FERMT2: variants seen among roughly 807,000 people sequenced by gnomAD.
The protein encoded by FERMT2 is FERM domain containing kindlin 2.
Under a neutral mutation model 82.7 loss-of-function variants are expected in FERMT2, and 15 were observed. The observed-to-expected ratio is 0.18, with a 90% confidence interval of 0.12 to 0.28. The LOEUF is 0.28. Ranked by LOEUF, FERMT2 falls within the 10% of genes least tolerant of loss-of-function variation. The probability of loss-of-function intolerance (pLI) is 1.00; values close to 1 mark genes in which losing one functional copy is unlikely to be tolerated. For missense variants in FERMT2, 645 were observed against 809.4 expected (o/e 0.80, Z 2.46); for synonymous variants, 274 against 271.5 (o/e 1.01, Z -0.09).
chr14:52,930,847 C>T (rs1889533718), intron 2 of FERMT2, among the ~76,000 whole-genome samples: 1 of 152,092 alleles, frequency 6.6e-6, no homozygotes, highest in African/African-American at 2.4e-5. Context: ...TTTGTAAAAA[C>T]GATGTTTATA....
intron 3 of FERMT2, among the ~76,000 whole-genome samples, chr14:52,913,631 T>C (rs1888449330): frequency 6.7e-6 from 1 of 150,320 alleles, no homozygotes; most frequent in Admixed American, 6.6e-5. Flanking sequence ...TCATAAGATA[T>C]GACATTTCCA....
intron 7 of FERMT2, among the ~76,000 whole-genome samples, chr14:52,875,949 G>A (rs1216854941): frequency 2.0e-5 from 3 of 152,188 alleles, no homozygotes; most frequent in Non-Finnish European, 1.5e-5. Context: ...GGGGCAGAGA[G>A]AGAGTAGTGA....
intron 12 of FERMT2, chr14:52,861,713 A>G (rs1273943403): frequency 6.6e-6 from 1 of 152,668 alleles, no homozygotes; most frequent in Non-Finnish European, 1.5e-5. Context: ...ATATAGAATA[A>G]TTCTTCAAAA....
intron 3 of FERMT2, among the ~76,000 whole-genome samples, chr14:52,911,688 G>C (rs1594982573): frequency 6.6e-6 from 1 of 151,084 alleles, no homozygotes; most frequent in East Asian, 1.9e-4. Flanking sequence ...GCAGGCCAGA[G>C]TTTGCCAACA....
intron 2 of FERMT2, among the ~76,000 whole-genome samples, chr14:52,934,286 C>T (rs891469861): frequency 6.6e-6 from 1 of 152,052 alleles, no homozygotes; most frequent in African/African-American, 2.4e-5. Flanking sequence ...TATAAATGTA[C>T]ATATGGAAAT....
chr14:52,902,418 A>G (rs1165828700), intron 3 of FERMT2, among the ~76,000 whole-genome samples: 1 of 151,218 alleles, frequency 6.6e-6, no homozygotes, highest in Non-Finnish European at 1.5e-5. Flanking sequence ...AAAAAAAGAG[A>G]GAGAGAGATT....
intron 3 of FERMT2, among the ~76,000 whole-genome samples, chr14:52,894,162 C>A (rs1402756094): frequency 6.6e-6 from 1 of 152,062 alleles, no homozygotes; most frequent in Non-Finnish European, 1.5e-5. Context: ...AAATATTCTG[C>A]CCTGTATCAA....
chr14:52,875,336 T>C lies in FERMT2; in HGVS notation c.985A>G (p.Ile329Val), dbSNP rs778426570. Residue 329 changes from isoleucine to valine, a missense_variant, in exon 8 of 15, where the codon ATC (isoleucine) becomes GTC (valine). Ile to Val is a conservative substitution (Grantham distance 29, BLOSUM62 3). Coordinates refer to ENST00000341590, the MANE Select transcript of FERMT2 (RefSeq NM_006832.3). Reference sequence around the variant, plus strand: ...TTCAAATGATTCTCTGATGTCATGATTGACAGCTTATTGATATGATACTGA... The same window carrying C: ...TTCAAATGATTCTCTGATGTCATGACTGACAGCTTATTGATATGATACTGA... ...ALQYHINKLS[I>V]MTSENHLNNS... 19 of 1,605,446 alleles carry C rather than the reference T, an allele frequency of 1.2e-5. No individual in the cohort carries two copies. Among genetic ancestry groups the C allele is most frequent in the Middle Eastern group, 1.7e-4 (1 of 6,042 alleles).
chr14:52,908,901 T>TA (rs1888160084), intron 3 of FERMT2, among the ~76,000 whole-genome samples: 1 of 152,190 alleles, frequency 6.6e-6, no homozygotes, highest in Non-Finnish European at 1.5e-5. Flanking sequence ...ACTGACTAGA[T>TA]ACTTAAAAAG....
chr14:52,930,009 C>T (rs1889489800), intron 2 of FERMT2, among the ~76,000 whole-genome samples: 1 of 152,064 alleles, frequency 6.6e-6, no homozygotes, highest in Non-Finnish European at 1.5e-5. Context: ...TTACTCAAAA[C>T]AATCTCAACA....
chr14:52,903,207 G>C (rs1887781122), intron 3 of FERMT2, among the ~76,000 whole-genome samples: 1 of 151,910 alleles, frequency 6.6e-6, no homozygotes, highest in Non-Finnish European at 1.5e-5. Context: ...AGTGAGAAAA[G>C]GCAGTCTACA....
chr14:52,896,228 C>G (rs1253666758), intron 3 of FERMT2, among the ~76,000 whole-genome samples: 1 of 152,144 alleles, frequency 6.6e-6, no homozygotes, highest in African/African-American at 2.4e-5. Context: ...ATCACAATGT[C>G]TGGCAGCACT....
chr14:52,859,814 A>C, intron 13 of FERMT2, 100 bp from the exon 14 acceptor site: 2 of 639,500 alleles, frequency 3.1e-6, no homozygotes, highest in Non-Finnish European at 4.8e-6. Context: ...CTAAAAGAGT[A>C]CTATTCTTTT....
intron 4 of FERMT2, among the ~76,000 whole-genome samples, chr14:52,886,712 T>C (rs1317087295): frequency 1.3e-5 from 2 of 152,158 alleles, no homozygotes; most frequent in Non-Finnish European, 2.9e-5. Flanking sequence ...AGACTAGATG[T>C]GCAAATTTTA....
chr14:52,919,522 T>G (rs1888823213), intron 2 of FERMT2, among the ~76,000 whole-genome samples, 166 bp from the exon 3 acceptor site: 1 of 152,198 alleles, frequency 6.6e-6, no homozygotes, highest in Non-Finnish European at 1.5e-5. Flanking sequence ...GAAAACACGC[T>G]CTGTCCTGAA....
At chr14:52,871,019 G>A (rs1419686591) in intron 10 of FERMT2, among the ~76,000 whole-genome samples, 1 of 152,174 alleles carries the variant, frequency 6.6e-6, no homozygotes, top group African/African-American at 2.4e-5. Flanking sequence ...GAAGAGATGG[G>A]CTGGGCCACT....
At chr14:52,914,762 A>G (rs1888526778) in intron 3 of FERMT2, among the ~76,000 whole-genome samples, 1 of 151,960 alleles carries the variant, frequency 6.6e-6, no homozygotes, top group South Asian at 2.1e-4. Context: ...TCTACTAAAA[A>G]TACAAAAATT....
chr14:52,921,894 C>T (rs1344032185), intron 2 of FERMT2, among the ~76,000 whole-genome samples: 1 of 152,094 alleles, frequency 6.6e-6, no homozygotes, highest in African/African-American at 2.4e-5. Context: ...AATATTCAAC[C>T]TGTAATACTT....
intron 3 of FERMT2, among the ~76,000 whole-genome samples, chr14:52,902,276 C>G (rs187589854): frequency 6.6e-6 from 1 of 151,800 alleles, no homozygotes; most frequent in African/African-American, 2.4e-5. Context: ...ATCTGTAGTC[C>G]CAGTTACTCA....
Sources: gnomAD v4.1 joint callset for allele counts (sites outside exome capture counted in the v4.1 genomes callset) on GRCh38, gnomAD v4.1.1 for gene constraint, MANE v1.5 for transcripts, NCBI Gene and HGNC (gene_info 2026-07-23, HGNC 2026-07-21) for gene names.